The following GAN variants were observed in gnomAD, a reference collection of about 807,000 sequenced individuals.
GAN encodes gigaxonin.
Under a neutral mutation model 71.3 loss-of-function variants are expected in GAN, and 48 were observed. The ratio of observed to expected loss-of-function variants is 0.67; its 90% CI spans 0.53 to 0.86. GAN has a LOEUF of 0.86. Ranked by LOEUF, GAN falls within the 40% of genes least tolerant of loss-of-function variation. The probability of loss-of-function intolerance (pLI) is 0.00; values close to 1 mark genes in which losing one functional copy is unlikely to be tolerated. For missense variants in GAN, 928 were observed against 770.1 expected (o/e 1.21, Z -2.43); for synonymous variants, 386 against 276.8 (o/e 1.39, Z -3.92).
Position 81,379,033 on chromosome 16 carries a change from A to G in GAN, c.*1437A>G, listed in dbSNP as rs1403450968. Reference sequence around the variant, plus strand: ...GTACTTCATTTTTAATTGTTTTCTAAAAAAAAGGTTTTTTTTTTCCTTTTG... The same window carrying G: ...GTACTTCATTTTTAATTGTTTTCTAGAAAAAAGGTTTTTTTTTTCCTTTTG... On this transcript the variant is annotated 3_prime_UTR_variant, in exon 11 of 11. Coordinates refer to ENST00000648994, the MANE Select transcript of GAN (RefSeq NM_022041.4). 4 of 150,848 alleles carry G rather than the reference A, an allele frequency of 2.7e-5. No individual in the cohort carries two copies. Among genetic ancestry groups the G allele is most frequent in the Admixed American group, 6.6e-5 (1 of 15,228 alleles). The allele number at this position is 150,848 out of a possible 1,614,324, so 9.3% of individuals were successfully genotyped here.
chr16:81,315,166 G>C lies in GAN; in HGVS notation c.53G>C (p.Arg18Pro), dbSNP rs761688537. ...CCTCAGCACGCCGCGCGTCTGCTGC[G>C]AGCGCTCAGCTCTTTCCGCGAGGAG... is the stretch of plus-strand genomic sequence containing the variant. ...SDPQHAARLLRALSSFREESR... is the reference protein window; with the variant it reads ...SDPQHAARLLPALSSFREESR... Residue 18 changes from arginine to proline, a missense_variant, in exon 1 of 11, where the codon CGA (arginine) becomes CCA (proline). Arg to Pro is a moderately radical substitution (Grantham distance 103, BLOSUM62 -2). Transcript: ENST00000648994. 6.4e-7 allele frequency: 1 copy of C among 1,558,824 alleles called. No individual in the cohort carries two copies.
At chr16:81,369,181 A>G (rs983474979) in intron 9 of GAN, among the ~76,000 whole-genome samples, 4 of 152,228 alleles carry the variant, frequency 2.6e-5, no homozygotes, top group African/African-American at 9.7e-5. Flanking sequence ...CTGAATATAT[A>G]ACTAGAATAG....
At chr16:81,346,811 CTGGCAGGAGGCAGG>C (rs1910133782) in intron 1 of GAN, among the ~76,000 whole-genome samples, 1 of 152,176 alleles carries the variant, frequency 6.6e-6, no homozygotes, top group Non-Finnish European at 1.5e-5. Context: ...AGAAGACTGC[CTGGCAGGAGGCAGG>C]TCTCTTCACC....
intron 1 of GAN, among the ~76,000 whole-genome samples, chr16:81,350,513 ACTT>A (rs1298231412): frequency 6.9e-5 from 9 of 129,856 alleles, no homozygotes; most frequent in Admixed American, 4.7e-4. Flanking sequence ...TTATTTACTT[ACTT>A]AATTTTTTTT....
chr16:81,364,579 C>T (rs565586772), intron 7 of GAN, among the ~76,000 whole-genome samples: 1 of 152,286 alleles, frequency 6.6e-6, no homozygotes, highest in South Asian at 2.1e-4. Flanking sequence ...GTCCCAGCTA[C>T]CCAGGAGGCT....
chr16:81,339,728 C>T lies in GAN; in HGVS notation c.168-11855C>T, dbSNP rs578043142. On this transcript the variant is annotated intron_variant, in intron 1 of 10. Coordinates refer to ENST00000648994, the MANE Select transcript of GAN (RefSeq NM_022041.4). The stretch of plus-strand genomic sequence containing the variant: ...GTAAGGGCGGAGGTGCAGCTTGTGG[C>T]AGGATGGAGTGATCTAGGAAAAATC... Among the ~76,000 whole-genome samples, 6 of 152,136 alleles carry T rather than the reference C, an allele frequency of 3.9e-5. No individual in the cohort carries two copies. The South Asian group carries it at 1.2e-3, about 32-fold the overall frequency.
intron 1 of GAN, among the ~76,000 whole-genome samples, chr16:81,341,233 C>G (rs1909930502): frequency 6.6e-6 from 1 of 152,046 alleles, no homozygotes; most frequent in Admixed American, 6.6e-5. Context: ...GGATATTATC[C>G]AGGAGAACTT....
intron 9 of GAN, among the ~76,000 whole-genome samples, chr16:81,373,649 C>T (rs1297764273): frequency 6.6e-6 from 1 of 152,140 alleles, no homozygotes; most frequent in Non-Finnish European, 1.5e-5. Flanking sequence ...CCAGCTTTTA[C>T]TCTAATGTCT....
chr16:81,319,848 A>G (rs549044749), intron 1 of GAN, among the ~76,000 whole-genome samples: 8 of 152,200 alleles, frequency 5.3e-5, no homozygotes, highest in Non-Finnish European at 8.8e-5. Context: ...GTTGGGCTAC[A>G]TGGACAGCAA....
At chr16:81,315,489 C>G (rs1049968514) in intron 1 of GAN, among the ~76,000 whole-genome samples, 2 of 151,932 alleles carry the variant, frequency 1.3e-5, no homozygotes, top group Non-Finnish European at 2.9e-5. Flanking sequence ...CTTCCAGGCC[C>G]GCGCTCCCCA....
intron 9 of GAN, among the ~76,000 whole-genome samples, chr16:81,371,202 C>A (rs1298461629): frequency 6.6e-6 from 1 of 152,180 alleles, no homozygotes; most frequent in Non-Finnish European, 1.5e-5. Flanking sequence ...AATTTCCTAT[C>A]TTTCCATCAC....
chr16:81,321,023 A>T (rs533409161), intron 1 of GAN, among the ~76,000 whole-genome samples: 94 of 152,252 alleles, frequency 6.2e-4, no homozygotes, highest in Admixed American at 9.8e-4. Context: ...AAGATCAAAG[A>T]CATATTTTAT....
At chr16:81,362,366 T>C in intron 5 of GAN, 133 bp from the exon 6 acceptor site, 1 of 702,262 alleles carries the variant, frequency 1.4e-6, no homozygotes. Context: ...TGGGATGTGA[T>C]AAAAGCCCTG....
rs1334144379 is a variant in GAN, at chr16:81,363,900, C to G, written c.1193C>G (p.Ser398Cys). 1.2e-6 allele frequency: 2 copies of G among 1,613,286 alleles called. No individual in the cohort carries two copies. The highest frequency in any genetic ancestry group is 1.7e-6 in the Non-Finnish European group (2 of 1,179,356). Residue 398 changes from serine (S) to cysteine (C), a missense_variant, in exon 7 of 11, where the codon TCT becomes TGT. By Grantham distance (112) the Ser-to-Cys change is moderately radical. Transcript: ENST00000648994. Reference sequence around the variant, plus strand: ...TCCATGGAGTGTTACGATATTTATTCTAAAACCTGGACAAAGCAACCTGAT... The same window carrying G: ...TCCATGGAGTGTTACGATATTTATTGTAAAACCTGGACAAAGCAACCTGAT... The part of the protein sequence containing the change: ...LISMECYDIY[S>C]KTWTKQPDLT...
rs180901098 is a variant in GAN, at chr16:81,363,103, C to T, written c.1086+492C>T. On this transcript the variant is annotated intron_variant, in intron 6 of 10. Transcript: ENST00000648994. ...TACTACATAAATATTCATTGACAAACGGACATGAAACACCTAGGGCTTCTA... is the reference window on the plus strand; with the variant it reads ...TACTACATAAATATTCATTGACAAATGGACATGAAACACCTAGGGCTTCTA... Among the ~76,000 whole-genome samples the T allele has an allele frequency of 8.9e-4, 136 of 152,342 alleles. 1 individual carries two copies. The highest frequency in any genetic ancestry group is 5.9e-5 in the Non-Finnish European group (4 of 68,038).
At chr16:81,322,669 T>C (rs1909257446) in intron 1 of GAN, among the ~76,000 whole-genome samples, 6 of 152,266 alleles carry the variant, frequency 3.9e-5, no homozygotes. Context: ...GTGATTTTTA[T>C]GGTAACATAT....
chr16:81,370,925 C>G (rs973256936), intron 9 of GAN, among the ~76,000 whole-genome samples: 2 of 152,210 alleles, frequency 1.3e-5, no homozygotes, highest in East Asian at 1.9e-4. Context: ...CTAAGGCACA[C>G]CATGAAAGCC....
At chr16:81,329,634 G>C (rs957507711) in intron 1 of GAN, among the ~76,000 whole-genome samples, 1 of 152,246 alleles carries the variant, frequency 6.6e-6, no homozygotes, top group Admixed American at 6.5e-5. Context: ...ATCTTGACCT[G>C]TCTGCTGTAT....
In GAN at chr16:81,386,119, C is replaced by G. The variant is rs28508221; in HGVS notation, c.*8523C>G. The G allele has an allele frequency of 4.6e-3, 705 of 152,286 alleles. 6 individuals carry two copies. Among genetic ancestry groups the G allele is most frequent in the African/African-American group, 0.016 (670 of 41,540 alleles). The allele number at this position is 152,286 out of a possible 1,614,324, so 9.4% of individuals were successfully genotyped here. On this transcript the variant is annotated 3_prime_UTR_variant, in exon 11 of 11. Coordinates refer to ENST00000648994, the MANE Select transcript of GAN (RefSeq NM_022041.4). ...TCTAGTATTTAAATTCAACACAATT[C>G]TAGATAGCTGAAACAGCCCAAAATA...
Sources: gnomAD v4.1 joint callset for allele counts (sites outside exome capture counted in the v4.1 genomes callset) on GRCh38, gnomAD v4.1.1 for gene constraint, MANE v1.5 for transcripts, NCBI Gene and HGNC (gene_info 2026-07-23, HGNC 2026-07-21) for gene names.